The following C11orf97 variants were observed in gnomAD, a reference collection of about 807,000 sequenced individuals.
C11orf97 encodes uncharacterized protein C11orf97.
In C11orf97, 15 loss-of-function variants were observed where a neutral mutation model predicts 16.2. The ratio of observed to expected loss-of-function variants is 0.93; its 90% CI spans 0.62 to 1.43. The LOEUF is 1.43. C11orf97 is among the 40% of genes most tolerant of loss of function. C11orf97 has a pLI of 0.00. For synonymous variants in C11orf97, 61 were observed against 65.7 expected, an observed-to-expected ratio of 0.93 and a Z score of 0.34; for missense variants, 171 against 161.2, an observed-to-expected ratio of 1.06 and a Z score of -0.33.
chr11:94,514,933 CCG>C (rs1236626236), intron 1 of C11orf97, among the ~76,000 whole-genome samples: 2 of 152,128 alleles, frequency 1.3e-5, no homozygotes, highest in African/African-American at 4.8e-5. Flanking sequence ...GCATGAGCCA[CCG>C]CGCCTGGCCA....
intron 2 of C11orf97, 139 bp from the exon 3 acceptor site, chr11:94,527,945 T>C (rs1355193321): frequency 4.2e-6 from 3 of 715,996 alleles, no homozygotes; most frequent in African/African-American, 1.8e-5. Context: ...ATGATAAAGA[T>C]TTGAGTGGTT....
intron 2 of C11orf97, among the ~76,000 whole-genome samples, chr11:94,525,251 T>C (rs1947690933): frequency 1.3e-5 from 2 of 152,198 alleles, no homozygotes; most frequent in Admixed American, 1.3e-4. Context: ...TTTTGTATTT[T>C]TCTGGCTAAA....
At chr11:94,522,058 T>G (rs187285979) in intron 2 of C11orf97, among the ~76,000 whole-genome samples, 2 of 152,386 alleles carry the variant, frequency 1.3e-5, no homozygotes, top group Admixed American at 1.3e-4. Context: ...CGAATCTTGA[T>G]GTTTATCGGA....
chr11:94,529,880 CT>C (rs1947725492), intron 3 of C11orf97, among the ~76,000 whole-genome samples: 1 of 152,214 alleles, frequency 6.6e-6, no homozygotes, highest in African/African-American at 2.4e-5. Flanking sequence ...CAACCAAAGT[CT>C]GGGCCACTTG....
intron 2 of C11orf97, among the ~76,000 whole-genome samples, chr11:94,519,688 C>T (rs1947642644): frequency 6.6e-6 from 1 of 152,222 alleles, no homozygotes; most frequent in African/African-American, 2.4e-5. Flanking sequence ...AGAGGTCGCA[C>T]AGAGGTACTA....
chr11:94,513,379 T>C (rs1224864680), intron 1 of C11orf97, among the ~76,000 whole-genome samples: 1 of 152,202 alleles, frequency 6.6e-6, no homozygotes. Context: ...TTTCATGAAT[T>C]AACAGATATT....
intron 3 of C11orf97, among the ~76,000 whole-genome samples, chr11:94,530,397 T>C (rs1947730600): frequency 6.6e-6 from 1 of 152,208 alleles, no homozygotes; most frequent in Admixed American, 6.5e-5. Context: ...GATCAATCTA[T>C]ATGTCAGACT....
chr11:94,527,047 C>A (rs568424247), intron 2 of C11orf97, among the ~76,000 whole-genome samples: 1 of 152,264 alleles, frequency 6.6e-6, no homozygotes, highest in African/African-American at 2.4e-5. Flanking sequence ...CTAAATCGTA[C>A]AATAATCCTT....
intron 2 of C11orf97, among the ~76,000 whole-genome samples, chr11:94,523,885 G>T (rs1290959419): frequency 6.6e-6 from 1 of 152,288 alleles, no homozygotes; most frequent in East Asian, 1.9e-4. Context: ...GGTGTCTCAC[G>T]TGGTTGTTAC....
At chr11:94,528,277 G>A in intron 3 of C11orf97, 68 bp downstream of exon 3, 1 of 1,348,530 alleles carries the variant, frequency 7.4e-7, no homozygotes. Flanking sequence ...CAAACCAGTG[G>A]TATATGCTCT....
intron 2 of C11orf97, among the ~76,000 whole-genome samples, chr11:94,527,142 A>G (rs1565254507): frequency 6.6e-6 from 1 of 152,202 alleles, no homozygotes; most frequent in Non-Finnish European, 1.5e-5. Flanking sequence ...CATGTAACTG[A>G]TATATGGTAG....
chr11:94,521,583 G>A (rs1014082473), intron 2 of C11orf97, among the ~76,000 whole-genome samples: 1 of 152,092 alleles, frequency 6.6e-6, no homozygotes, highest in Non-Finnish European at 1.5e-5. Context: ...AAGTCGAGGA[G>A]GATCCATATT....
At chr11:94,518,539 T>C (rs1947632007) in intron 2 of C11orf97, among the ~76,000 whole-genome samples, 1 of 152,146 alleles carries the variant, frequency 6.6e-6, no homozygotes, top group Non-Finnish European at 1.5e-5. Context: ...CATCCAAGGA[T>C]TTCATCCCGT....
intron 2 of C11orf97, among the ~76,000 whole-genome samples, chr11:94,527,507 A>G (rs759323717): frequency 2.6e-5 from 4 of 152,246 alleles, no homozygotes; most frequent in Admixed American, 2.0e-4. Flanking sequence ...TCAGGACCCA[A>G]GACCTATAAT....
rs1947578759 is a variant in C11orf97, at chr11:94,512,662, A to G, written c.134A>G (p.His45Arg). Residue 45 changes from histidine to arginine, a missense_variant, in exon 1 of 4, where the codon CAC (histidine) becomes CGC (arginine). Physicochemically the swap from His to Arg is conservative, Grantham distance 29. Transcript: ENST00000542198. ...GAACCCGGCCGCGGCCCCCTAGAGCACGGCCAGCAGTGTGAGTTCAGCTCC... is the reference window on the plus strand; with the variant it reads ...GAACCCGGCCGCGGCCCCCTAGAGCGCGGCCAGCAGTGTGAGTTCAGCTCC... ...RGEPGRGPLE[H>R]GQQWKKFLYC... 1 of 1,244,410 alleles carries G rather than the reference A, an allele frequency of 8.0e-7. No homozygotes were observed. 77.1% of individuals were successfully genotyped at this position (1,244,410 alleles called of 1,614,324 possible). A position where few individuals can be genotyped will look rare whatever the true frequency, so the allele number is the denominator to read the frequency against.
In C11orf97 at chr11:94,521,928, C is replaced by T. The variant is rs1156755778; in HGVS notation, c.250+4241C>T. ...AGCTTTCTGCAACATTTCACATAGT[C>T]GATGGCTCTCTCCTTCAACCTTGTT... On this transcript the variant is annotated intron_variant, in intron 2 of 3. Transcript: ENST00000542198. Among the ~76,000 whole-genome samples the T allele has an allele frequency of 5.9e-5, 9 of 152,300 alleles. No homozygotes were observed. In the South Asian group the frequency reaches 1.5e-3, roughly 25 times the overall value.
rs552470104 is a variant in C11orf97, at chr11:94,512,484, C to G, written c.-45C>G. 1.3e-4 allele frequency: 168 copies of G among 1,268,212 alleles called. 1 individual carries two copies. In the South Asian group the frequency reaches 4.0e-3, roughly 30 times the overall value. 78.6% of individuals were successfully genotyped at this position (1,268,212 alleles called of 1,614,324 possible). ...GCATGCTGGGCTGCCTGCGACTGAG[C>G]TGAGAAGGAAACCGTGCCCAGGGCT... On this transcript the variant is annotated 5_prime_UTR_variant, in exon 1 of 4. Transcript: ENST00000542198.
intron 2 of C11orf97, 90 bp from the exon 3 acceptor site, chr11:94,527,993 TA>T: frequency 7.8e-7 from 1 of 1,275,508 alleles, no homozygotes; most frequent in Non-Finnish European, 1.0e-6. Flanking sequence ...CCCAAATAAA[TA>T]AAAAAATCAC....
At position 94,512,611 on chromosome 11, in the gene C11orf97, C is replaced by T; in HGVS notation, c.83C>T (p.Ala28Val). ...GREEEQPPPP[A>V]GLGCGARGEP... ...GAAGAGGAGCAGCCTCCTCCGCCAG[C>T]AGGGCTGGGGTGCGGGGCGCGCGGG... Residue 28 changes from alanine to valine, a missense_variant, in exon 1 of 4, where the codon GCA (alanine) becomes GTA (valine). By Grantham distance (64) the Ala-to-Val change is moderately conservative. Coordinates refer to ENST00000542198, the MANE Select transcript of C11orf97 (RefSeq NM_001190462.2). 7.8e-7 allele frequency: 1 copy of T among 1,275,862 alleles called. No individual in the cohort carries two copies. The highest frequency in any genetic ancestry group is 9.9e-7 in the Non-Finnish European group (1 of 1,010,270). The allele number at this position is 1,275,862 out of a possible 1,614,324, so 79.0% of individuals were successfully genotyped here.
Sources: allele counts gnomAD v4.1 joint callset (sites outside exome capture counted in the v4.1 genomes callset), GRCh38; gene constraint gnomAD v4.1.1; transcripts MANE v1.5; gene names NCBI Gene and HGNC (gene_info 2026-07-23, HGNC 2026-07-21).